FGF14: variants seen among roughly 807,000 people sequenced by gnomAD.
The protein encoded by FGF14 is fibroblast growth factor 14, also known as fibroblast growth factor homologous factor 4.
FGF14 carries 5 observed loss-of-function variants against 25.5 expected under a neutral mutation model. The ratio of observed to expected loss-of-function variants is 0.20; its 90% confidence interval spans 0.10 to 0.41. The LOEUF (loss-of-function observed/expected upper bound fraction) is 0.41, where lower values mean the gene tolerates loss of function less well. FGF14 is among the 10% of genes least tolerant of loss of function. The pLI is 1.00. For synonymous variants in FGF14, 138 were observed against 118.3 expected (o/e 1.17, Z -1.08); for missense variants, 222 against 320.1 (o/e 0.69, Z 2.34).
At chr13:102,242,238 A>G (rs1038144195) in intron 1 of FGF14, among the ~76,000 whole-genome samples, 1 of 152,152 alleles carries the variant, frequency 6.6e-6, no homozygotes, top group African/African-American at 2.4e-5. Context: ...AAAATATTAC[A>G]TTTAAGTTGC....
At chr13:102,021,708 C>T (rs936786365) in intron 1 of FGF14, among the ~76,000 whole-genome samples, 1 of 152,006 alleles carries the variant, frequency 6.6e-6, no homozygotes, top group Non-Finnish European at 1.5e-5. Context: ...GGCTAAGAGT[C>T]CACAGATGAG....
chr13:102,156,579 C>A (rs1380470870), intron 1 of FGF14, among the ~76,000 whole-genome samples: 1 of 152,198 alleles, frequency 6.6e-6, no homozygotes, highest in Non-Finnish European at 1.5e-5. Context: ...AAACTGGAAG[C>A]ATTCCCTTTG....
At chr13:102,222,986 C>G (rs747378961) in intron 1 of FGF14, among the ~76,000 whole-genome samples, 1 of 152,152 alleles carries the variant, frequency 6.6e-6, no homozygotes, top group Non-Finnish European at 1.5e-5. Context: ...GAAATAAGCT[C>G]TCAATAGAAG....
intron 1 of FGF14, among the ~76,000 whole-genome samples, chr13:102,357,205 C>T (rs1378004265): frequency 1.3e-5 from 2 of 151,444 alleles, no homozygotes; most frequent in Non-Finnish European, 2.9e-5. Context: ...AGGTTGCACA[C>T]CTCGAGGGTG....
intron 1 of FGF14, among the ~76,000 whole-genome samples, chr13:102,123,115 A>G (rs1594045914): frequency 6.6e-6 from 1 of 152,170 alleles, no homozygotes; most frequent in African/African-American, 2.4e-5. Context: ...GGTAAGAATG[A>G]GCTGATTAAG....
intron 1 of FGF14, among the ~76,000 whole-genome samples, chr13:102,337,015 T>C (rs2056808025): frequency 6.6e-6 from 1 of 152,224 alleles, no homozygotes; most frequent in Admixed American, 6.5e-5. Flanking sequence ...GAGATTAATG[T>C]TGTTTTCATG....
In FGF14 at chr13:102,010,535, C is replaced by A. The variant is rs540289547; in HGVS notation, c.209-135239G>T. ...TTTTTTATAAAGACAATGTTATAAG[C>A]TTTTATTTGCACAATATGTTGTTGA... On this transcript the variant is annotated intron_variant, in intron 1 of 4. Coordinates refer to the FGF14 transcript ENST00000376131. Among the ~76,000 whole-genome samples the A allele has an allele frequency of 1.4e-4, 22 of 152,092 alleles. No individual in the cohort carries two copies. The South Asian group carries it at 3.8e-3, about 26-fold the overall frequency.
At chr13:102,199,514 A>G (rs1284467587) in intron 1 of FGF14, among the ~76,000 whole-genome samples, 4 of 152,210 alleles carry the variant, frequency 2.6e-5, no homozygotes, top group Non-Finnish European at 5.9e-5. Context: ...CTAGTTAGTC[A>G]TGGAGCCAGA....
At position 101,762,549 on chromosome 13, in the gene FGF14, T is replaced by A. The variant is rs571929180; in HGVS notation, c.409-35739A>T. 2.0e-5 allele frequency among the ~76,000 whole-genome samples: 3 copies of A among 152,352 alleles called. No individual in the cohort carries two copies. In the South Asian group the frequency reaches 6.2e-4, roughly 32 times the overall value. On this transcript the variant is annotated intron_variant, in intron 3 of 4. Coordinates refer to ENST00000376143, the MANE Select transcript of FGF14 (RefSeq NM_004115.4). The stretch of plus-strand genomic sequence containing the variant: ...ACTTAGGTAATACATATAAATATAA[T>A]AACAATTCAGTCAGTTGTTGTTGGT...
intron 1 of FGF14, among the ~76,000 whole-genome samples, chr13:101,908,592 G>A (rs993994542): frequency 6.6e-6 from 1 of 152,036 alleles, no homozygotes; most frequent in Non-Finnish European, 1.5e-5. Context: ...AATAAAAGAG[G>A]ATACAAACAA....
chr13:102,161,615 A>G (rs868561672), intron 1 of FGF14, among the ~76,000 whole-genome samples: 811 of 5,608 alleles, frequency 0.14, 20 homozygotes, highest in Non-Finnish European at 0.17. Context: ...AAGAAGAAGA[A>G]GAAGAAGAAG....
chr13:102,043,312 G>A (rs1320156879), intron 1 of FGF14, among the ~76,000 whole-genome samples: 2 of 151,978 alleles, frequency 1.3e-5, no homozygotes, highest in African/African-American at 2.4e-5. Context: ...TTCCTCAATC[G>A]TACTTAAAGC....
chr13:102,028,551 A>G (rs1859469750), intron 1 of FGF14, among the ~76,000 whole-genome samples: 1 of 152,066 alleles, frequency 6.6e-6, no homozygotes, highest in African/African-American at 2.4e-5. Context: ...TGACTAAAGC[A>G]TTGATCAAAT....
At chr13:102,194,835 AG>A (rs1489814777) in intron 1 of FGF14, among the ~76,000 whole-genome samples, 1 of 152,186 alleles carries the variant, frequency 6.6e-6, no homozygotes, top group Non-Finnish European at 1.5e-5. Context: ...CAACAGTAAA[AG>A]ATAAAGAGAG....
intron 1 of FGF14, among the ~76,000 whole-genome samples, chr13:102,135,039 AC>A (rs2046351051): frequency 6.6e-6 from 1 of 151,556 alleles, no homozygotes; most frequent in African/African-American, 2.4e-5. Flanking sequence ...ACACACACAC[AC>A]ACACACACAC....
intron 1 of FGF14, among the ~76,000 whole-genome samples, chr13:101,910,790 T>C (rs144111354): frequency 1.3e-5 from 2 of 151,264 alleles, no homozygotes; most frequent in African/African-American, 4.9e-5. Context: ...GTAACTGGCT[T>C]TAAATTGCAT....
Position 101,715,236 on chromosome 13 carries a change from T to C in FGF14, c.*7595A>G, listed in dbSNP as rs1006219933. The C allele has an allele frequency of 1.3e-5, 3 of 229,546 alleles. No individual in the cohort carries two copies. The highest frequency in any genetic ancestry group is 7.3e-5 in the South Asian group (1 of 13,608). The allele number at this position is 229,546 out of a possible 1,614,324, so 14.2% of individuals were successfully genotyped here. On this transcript the variant is annotated 3_prime_UTR_variant, in exon 5 of 5. Transcript: ENST00000376143. ...CCTCATGTTATGTCAAAGAGCCTTA[T>C]GTTTTTCTGTATTTATTCATAAGTC...
At chr13:101,743,549 CTCT>C (rs1212767553) in intron 3 of FGF14, among the ~76,000 whole-genome samples, 1 of 152,154 alleles carries the variant, frequency 6.6e-6, no homozygotes, top group Non-Finnish European at 1.5e-5. Context: ...GGGTGAATCC[CTCT>C]TCTTTGAAGA....
intron 1 of FGF14, among the ~76,000 whole-genome samples, chr13:102,025,696 A>G (rs2040887337): frequency 6.6e-6 from 1 of 152,106 alleles, no homozygotes; most frequent in Non-Finnish European, 1.5e-5. Flanking sequence ...GGAGTGAGCC[A>G]CTGCACCCAG....
Sources: gnomAD v4.1 joint callset for allele counts (sites outside exome capture counted in the v4.1 genomes callset) on GRCh38, gnomAD v4.1.1 for gene constraint, MANE v1.5 for transcripts, NCBI Gene and HGNC (gene_info 2026-07-23, HGNC 2026-07-21) for gene names.